Variants in MYO5B observed in about 807,000 individuals in gnomAD.
The protein encoded by MYO5B is unconventional myosin-Vb.
In MYO5B, 143 loss-of-function variants were observed where a neutral mutation model predicts 229.3. That is an observed-to-expected ratio of 0.62 (90% CI 0.54 to 0.72). MYO5B has a LOEUF of 0.72. Ranked by LOEUF, MYO5B falls within the 30% of genes least tolerant of loss-of-function variation. MYO5B has a pLI of 0.00. For missense variants in MYO5B, 2,321 were observed against 2,331.0 expected (o/e 1.00, Z 0.09); for synonymous variants, 918 against 885.2 (o/e 1.04, Z -0.66).
intron 30 of MYO5B, 145 bp downstream of exon 30, chr18:49,856,668 T>G: frequency 1.3e-6 from 1 of 742,148 alleles, no homozygotes; most frequent in Non-Finnish European, 2.4e-6. Context: ...CAGTGACAGA[T>G]GGTCAACCAC....
At position 50,190,363 on chromosome 18, in the gene MYO5B, A is replaced by G. The variant is rs151005237; in HGVS notation, c.27+4404T>C. ...CACATTGTCTTTTCCAATGGGTTGG[A>G]AGCCAAGCACTCACACTGACCACAT... On this transcript the variant is annotated intron_variant, in intron 1 of 39. Coordinates refer to ENST00000285039, the MANE Select transcript of MYO5B (RefSeq NM_001080467.3). Among the ~76,000 whole-genome samples the G allele has an allele frequency of 1.3e-3, 196 of 152,348 alleles. 1 individual carries two copies. In the Middle Eastern group the frequency reaches 0.014, roughly 11 times the overall value.
intron 2 of MYO5B, among the ~76,000 whole-genome samples, chr18:50,040,823 T>C (rs1317323888): frequency 1.3e-5 from 2 of 152,218 alleles, no homozygotes; most frequent in African/African-American, 2.4e-5. Flanking sequence ...GGCAGTAATT[T>C]TGCTTTCACC....
chr18:49,914,775 C>CAAAAAAAAAA (rs5824810), intron 17 of MYO5B, among the ~76,000 whole-genome samples: 1 of 106,168 alleles, frequency 9.4e-6, no homozygotes, highest in African/African-American at 3.7e-5. Flanking sequence ...GACCTTGTCT[C>CAAAAAAAAAA]AAAAAAAAAA....
At chr18:49,834,394 G>A (rs554143694) in intron 39 of MYO5B, among the ~76,000 whole-genome samples, 28 of 152,254 alleles carry the variant, frequency 1.8e-4, no homozygotes, top group African/African-American at 6.5e-4. Flanking sequence ...TCTCCCCTGA[G>A]GTGCTCCCCA....
At chr18:50,073,876 C>T (rs1390482028) in intron 1 of MYO5B, among the ~76,000 whole-genome samples, 3 of 152,110 alleles carry the variant, frequency 2.0e-5, no homozygotes, top group Non-Finnish European at 2.9e-5. Flanking sequence ...ACATCCAATC[C>T]ATTGGCAAGG....
At chr18:49,984,488 G>A (rs1041222575) in intron 8 of MYO5B, among the ~76,000 whole-genome samples, 2 of 152,318 alleles carry the variant, frequency 1.3e-5, no homozygotes, top group African/African-American at 4.8e-5. Flanking sequence ...CTGGGAGAGG[G>A]ACTCTCATAA....
rs777484501 is a variant in MYO5B, at chr18:49,863,336, C to T, written c.3844-9G>A. On this transcript the variant is annotated splice_polypyrimidine_tract_variant and intron_variant, in intron 28 of 39. Transcript: ENST00000285039. Reference sequence around the variant, plus strand: ...GCATTAATGTTCGGCTCCTAGAAAGCCCCAGATAAAAAAATAACTCTGGTT... The same window carrying T: ...GCATTAATGTTCGGCTCCTAGAAAGTCCCAGATAAAAAAATAACTCTGGTT... 3.1e-6 allele frequency: 5 copies of T among 1,612,324 alleles called. No individual in the cohort carries two copies. The highest frequency in any genetic ancestry group is 4.2e-6 in the Non-Finnish European group (5 of 1,178,860).
intron 17 of MYO5B, among the ~76,000 whole-genome samples, chr18:49,925,906 C>G (rs940486648): frequency 6.6e-6 from 1 of 152,210 alleles, no homozygotes; most frequent in Non-Finnish European, 1.5e-5. Context: ...GCCCCATCCC[C>G]TCCATCAAAA....
At chr18:50,084,901 AC>A (rs1290812900) in intron 1 of MYO5B, among the ~76,000 whole-genome samples, 1 of 152,190 alleles carries the variant, frequency 6.6e-6, no homozygotes, top group African/African-American at 2.4e-5. Flanking sequence ...TACACCTTAT[AC>A]AAAAATTCAT....
At chr18:49,989,156 G>A (rs944752768) in intron 7 of MYO5B, among the ~76,000 whole-genome samples, 2 of 152,160 alleles carry the variant, frequency 1.3e-5, no homozygotes, top group African/African-American at 4.8e-5. Flanking sequence ...GGCCTGAATA[G>A]AGTTTGATGA....
chr18:49,886,032 C>T (rs2024638413), intron 22 of MYO5B, among the ~76,000 whole-genome samples: 1 of 151,440 alleles, frequency 6.6e-6, no homozygotes, highest in South Asian at 2.1e-4. Context: ...TCGACCTCCC[C>T]AGGCTCTGGT....
intron 5 of MYO5B, among the ~76,000 whole-genome samples, chr18:49,996,686 T>C (rs560497164): frequency 2.0e-5 from 3 of 152,296 alleles, no homozygotes; most frequent in South Asian, 4.1e-4. Context: ...TCAAGTAGTA[T>C]GAAAACACGG....
chr18:50,028,518 G>A (rs909384124), intron 4 of MYO5B, among the ~76,000 whole-genome samples: 2 of 152,066 alleles, frequency 1.3e-5, no homozygotes, highest in Admixed American at 1.3e-4. Flanking sequence ...GCCAGAGTGG[G>A]GGGCAAGGAC....
chr18:50,154,574 A>G (rs1417015995), intron 1 of MYO5B, among the ~76,000 whole-genome samples: 1 of 152,238 alleles, frequency 6.6e-6, no homozygotes, highest in Non-Finnish European at 1.5e-5. Context: ...CCACAGAAGC[A>G]CATTCGAGTT....
intron 1 of MYO5B, among the ~76,000 whole-genome samples, chr18:50,144,702 G>T (rs576409907): frequency 2.6e-5 from 4 of 152,310 alleles, no homozygotes; most frequent in Admixed American, 1.3e-4. Flanking sequence ...CCAACTGAGT[G>T]AAACATTAAC....
intron 4 of MYO5B, among the ~76,000 whole-genome samples, chr18:50,034,564 T>A (rs945219771): frequency 5.3e-5 from 8 of 152,046 alleles, no homozygotes; most frequent in African/African-American, 1.9e-4. Flanking sequence ...GCCAACATGG[T>A]GAAACCCCGT....
At chr18:50,020,757 G>A (rs1815928) in intron 4 of MYO5B, among the ~76,000 whole-genome samples, 144,244 of 152,292 alleles carry the variant, frequency 0.95, 68,827 homozygotes, top group East Asian at 1. Flanking sequence ...ACATTTGAGA[G>A]GTGTGGCATA....
At chr18:50,100,516 G>A (rs1231345630) in intron 1 of MYO5B, among the ~76,000 whole-genome samples, 1 of 152,132 alleles carries the variant, frequency 6.6e-6, no homozygotes, top group Non-Finnish European at 1.5e-5. Flanking sequence ...ATGGTATGGA[G>A]GGAAGGGAAG....
At chr18:50,116,846 AAAAAAAAAAAAACC>A (rs2031972063) in intron 1 of MYO5B, among the ~76,000 whole-genome samples, 1 of 109,496 alleles carries the variant, frequency 9.1e-6, no homozygotes, top group Admixed American at 9.7e-5. Context: ...TGAGTTACCA[AAAAAAAAAAAAACC>A]AAAAAACAAA....
Sources: allele counts gnomAD v4.1 joint callset (sites outside exome capture counted in the v4.1 genomes callset), GRCh38; gene constraint gnomAD v4.1.1; transcripts MANE v1.5; gene names NCBI Gene and HGNC (gene_info 2026-07-23, HGNC 2026-07-21).